Variants in RPS6KC1 observed in about 807,000 individuals in gnomAD.
RPS6KC1 encodes the protein ribosomal protein S6 kinase C1.
RPS6KC1 carries 54 observed loss-of-function variants against 103.8 expected under a neutral mutation model. The ratio of observed to expected loss-of-function variants is 0.52; its 90% CI spans 0.42 to 0.65. The LOEUF (loss-of-function observed/expected upper bound fraction) is 0.65, where lower values mean the gene tolerates loss of function less well. RPS6KC1 is among the 30% of genes least tolerant of loss of function. RPS6KC1 has a pLI of 0.00. For synonymous variants in RPS6KC1, 439 were observed against 438.7 expected (o/e 1.00, Z -0.01); for missense variants, 1,151 against 1,253.8 (o/e 0.92, Z 1.24).
chr1:213,638,282 T>C, the RPS6KC1 span, among the ~76,000 whole-genome samples: 21,896 of 152,142 alleles, frequency 0.14, 2,515 homozygotes, highest in African/African-American at 0.32. Context: ...TTAAATGTTT[T>C]GTTTGAATTG....
chr1:213,806,254 C>T, the RPS6KC1 span, among the ~76,000 whole-genome samples: 1 of 152,142 alleles, frequency 6.6e-6, no homozygotes, highest in Non-Finnish European at 1.5e-5. Context: ...ATGGCGTGAA[C>T]CTGGGAGGCA....
chr1:213,672,490 A>G, the RPS6KC1 span, among the ~76,000 whole-genome samples: 1 of 152,184 alleles, frequency 6.6e-6, no homozygotes, highest in Non-Finnish European at 1.5e-5. Context: ...GACAGTGAAA[A>G]TGCCATTCTA....
At chr1:213,794,629 T>C in the RPS6KC1 span, 2 of 152,264 alleles carry the variant, frequency 1.3e-5, no homozygotes, top group East Asian at 1.9e-4. Context: ...TTTCTAAAAA[T>C]GTATAAGCAG....
chr1:213,601,229 G>T, the RPS6KC1 span, among the ~76,000 whole-genome samples: 6 of 151,482 alleles, frequency 4.0e-5, no homozygotes, highest in African/African-American at 1.5e-4. Flanking sequence ...AAATGTTTGT[G>T]TGTGGGTGTG....
intron 3 of RPS6KC1, among the ~76,000 whole-genome samples, chr1:213,098,794 A>G (rs2081732113): frequency 6.6e-6 from 1 of 152,236 alleles, no homozygotes; most frequent in Non-Finnish European, 1.5e-5. Context: ...TGACACAGAG[A>G]CATAAAGTGA....
the RPS6KC1 span, among the ~76,000 whole-genome samples, chr1:213,472,965 C>T: frequency 6.6e-6 from 1 of 152,236 alleles, no homozygotes; most frequent in Non-Finnish European, 1.5e-5. Flanking sequence ...TCCTTCAAGA[C>T]ATCAGCATAG....
chr1:213,416,632 C>T, the RPS6KC1 span, among the ~76,000 whole-genome samples: 1 of 152,228 alleles, frequency 6.6e-6, no homozygotes, highest in Non-Finnish European at 1.5e-5. Context: ...CCTCCCCTGT[C>T]ACAGTCCCAC....
rs191308921 is a variant in RPS6KC1 at position 213,183,988 on chromosome 1, C to A, written c.1044+7496C>A. On this transcript the variant is annotated intron_variant, in intron 8 of 14. Transcript: ENST00000366960. ...CAAGGGAATACTACAAACAGCCCTA[C>A]ACATGTAAATTTGATAATTTAGATG... is the stretch of plus-strand genomic sequence containing the variant. Among the ~76,000 whole-genome samples, 662 of 152,194 alleles carry A rather than the reference C, an allele frequency of 4.3e-3. 4 individuals carry two copies. Among genetic ancestry groups the A allele is most frequent in the African/African-American group, 0.015 (638 of 41,560 alleles).
At chr1:213,271,759 G>A (rs1263661481) in intron 14 of RPS6KC1, among the ~76,000 whole-genome samples, 8 of 54,380 alleles carry the variant, frequency 1.5e-4, no homozygotes, top group Non-Finnish European at 2.0e-4. Flanking sequence ...GCGAAACTCC[G>A]TCTCAAAAAA....
At chr1:213,373,869 T>G in the RPS6KC1 span, among the ~76,000 whole-genome samples, 42 of 152,334 alleles carry the variant, frequency 2.8e-4, no homozygotes, top group Admixed American at 7.2e-4. Flanking sequence ...TTGTGGCATT[T>G]AGACAGTGAA....
chr1:213,444,624 G>A, the RPS6KC1 span, among the ~76,000 whole-genome samples: 3 of 151,772 alleles, frequency 2.0e-5, no homozygotes, highest in African/African-American at 7.3e-5. Context: ...GGGCGTGGTG[G>A]TGTGCACCTG....
At chr1:213,220,605 G>A (rs2093807565) in intron 8 of RPS6KC1, among the ~76,000 whole-genome samples, 1 of 152,226 alleles carries the variant, frequency 6.6e-6, no homozygotes, top group Admixed American at 6.5e-5. Context: ...GATTGCAGAT[G>A]TGAGTCACTG....
chr1:213,628,253 G>A, the RPS6KC1 span, among the ~76,000 whole-genome samples: 1 of 152,056 alleles, frequency 6.6e-6, no homozygotes, highest in African/African-American at 2.4e-5. Flanking sequence ...TATTTCTGTG[G>A]GATCGGAGGT....
At chr1:213,625,141 A>C in the RPS6KC1 span, among the ~76,000 whole-genome samples, 5 of 152,040 alleles carry the variant, frequency 3.3e-5, no homozygotes, top group African/African-American at 4.8e-5. Context: ...AAGTGCTAGG[A>C]CCACGCCTGG....
intron 6 of RPS6KC1, among the ~76,000 whole-genome samples, chr1:213,137,777 C>CTCTCTA (rs1387641875): frequency 5.8e-4 from 37 of 63,582 alleles, no homozygotes; most frequent in African/African-American, 2.6e-3. Context: ...CTCTCTCTCT[C>CTCTCTA]TATATATATA....
intron 1 of RPS6KC1, among the ~76,000 whole-genome samples, chr1:213,052,617 C>T (rs939619501): frequency 2.6e-5 from 4 of 151,936 alleles, no homozygotes; most frequent in African/African-American, 7.3e-5. Context: ...CTCTGCTCAC[C>T]GCAACCTCTG....
the RPS6KC1 span, among the ~76,000 whole-genome samples, chr1:213,377,085 T>C: frequency 1.3e-5 from 2 of 152,142 alleles, no homozygotes; most frequent in African/African-American, 2.4e-5. Context: ...GGGATGTTGG[T>C]GGTTTGCAAC....
chr1:213,485,153 G>A, the RPS6KC1 span, among the ~76,000 whole-genome samples: 6,520 of 152,154 alleles, frequency 0.043, 488 homozygotes, highest in African/African-American at 0.15. Context: ...AGTGTGAGCC[G>A]CTGTGACTGG....
chr1:213,439,429 G>A, the RPS6KC1 span, among the ~76,000 whole-genome samples: 2 of 151,442 alleles, frequency 1.3e-5, no homozygotes, highest in African/African-American at 4.9e-5. Flanking sequence ...CTTATTGGTA[G>A]AACTAAGAAG....
Sources: allele counts gnomAD v4.1 joint callset (sites outside exome capture counted in the v4.1 genomes callset), GRCh38; gene constraint gnomAD v4.1.1; transcripts MANE v1.5; gene names NCBI Gene and HGNC (gene_info 2026-07-23, HGNC 2026-07-21).